SLC6A16: variants seen among roughly 807,000 people sequenced by gnomAD.
SLC6A16 encodes orphan sodium- and chloride-dependent neurotransmitter transporter NTT5.
A neutral mutation model predicts 65.4 loss-of-function variants in SLC6A16; 54 were observed. That is an observed-to-expected ratio of 0.83 (90% CI 0.66 to 1.04). The LOEUF (loss-of-function observed/expected upper bound fraction) is 1.04, where lower values mean the gene tolerates loss of function less well. Ranked by LOEUF, SLC6A16 falls within the 50% of genes least tolerant of loss-of-function variation. The pLI, the probability that SLC6A16 is intolerant of heterozygous loss-of-function variation, is 0.00. For synonymous variants in SLC6A16, 330 were observed against 346.5 expected (o/e 0.95, Z 0.53); for missense variants, 816 against 914.0 (o/e 0.89, Z 1.38).
chr19:49,329,902 G>A (rs149667813), upstream of SLC6A16, among the ~76,000 whole-genome samples: 69 of 152,136 alleles, frequency 4.5e-4, no homozygotes, highest in Middle Eastern at 3.4e-3. Context: ...CAAAGTGCTG[G>A]GATTACAGGC....
At chr19:49,293,588 A>T (rs1970122887) in intron 9 of SLC6A16, among the ~76,000 whole-genome samples, 1 of 152,134 alleles carries the variant, frequency 6.6e-6, no homozygotes, top group African/African-American at 2.4e-5. Context: ...ACATGGTGAA[A>T]GCCCGTCTCT....
the SLC6A16 span, among the ~76,000 whole-genome samples, chr19:49,330,885 T>G: frequency 6.7e-6 from 1 of 150,032 alleles, no homozygotes; most frequent in Non-Finnish European, 1.5e-5. Context: ...GAGGTTGCAG[T>G]GAGCCGAGGT....
the SLC6A16 span, chr19:49,338,162 C>T: frequency 2.7e-6 from 4 of 1,456,694 alleles, no homozygotes; most frequent in Non-Finnish European, 3.6e-6. The surrounding 1 kb of genome is among the most constrained non-coding windows in gnomAD (Gnocchi z 5.0). Context: ...CCAGGCCCGA[C>T]GCTCCCCACT....
the SLC6A16 span, chr19:49,339,498 G>A: frequency 4.1e-4 from 628 of 1,540,982 alleles, 3 homozygotes; most frequent in African/African-American, 7.4e-3. This position sits in a 1 kb window ranked among gnomAD's most constrained non-coding sequence, Gnocchi z 4.5. Flanking sequence ...GGTTGCCTGG[G>A]AAGGACGAGC....
rs1970121193 is a variant in SLC6A16 at position 49,293,527 on chromosome 19, A to G, written c.1619-145T>C. The G allele has an allele frequency of 5.3e-6, 4 of 755,052 alleles. No individual in the cohort carries two copies. In the South Asian group the frequency reaches 7.4e-5, roughly 14 times the overall value. The allele number at this position is 755,052 out of a possible 1,614,324, so 46.8% of individuals were successfully genotyped here. A position where few individuals can be genotyped will look rare whatever the true frequency, so the allele number is the denominator to read the frequency against. The stretch of plus-strand genomic sequence containing the variant: ...CATGTGTAATCCAAGCATTTTGGGG[A>G]GCCTAAGTGGGCAGATTCCTTAAGC... On this transcript the variant is annotated intron_variant, in intron 9 of 11. Transcript: ENST00000335875.
In SLC6A16 at chr19:49,313,072, C is replaced by CAAAAAAAAAAAAAAAA. The variant is rs5828385; in HGVS notation, c.-64-1677_-64-1662dup. Among the ~76,000 whole-genome samples the CAAAAAAAAAAAAAAAA allele has an allele frequency of 3.2e-4, 31 of 95,774 alleles. 2 individuals are homozygous for CAAAAAAAAAAAAAAAA. Among genetic ancestry groups the CAAAAAAAAAAAAAAAA allele is most frequent in the Middle Eastern group, 5.6e-3 (1 of 180 alleles). 62.8% of individuals were successfully genotyped at this position (95,774 alleles called of 152,430 possible). A position where few individuals can be genotyped will look rare whatever the true frequency, so the allele number is the denominator to read the frequency against. On this transcript the variant is annotated intron_variant, in intron 1 of 11. Coordinates refer to ENST00000335875, the MANE Select transcript of SLC6A16 (RefSeq NM_014037.3). The stretch of plus-strand genomic sequence containing the variant: ...CACTCCAGCCTGGGCAACCCTGTCT[C>CAAAAAAAAAAAAAAAA]AAAAAAAAAAAAAAAAAAAAAAAGA...
chr19:49,335,639 GCCCAGCCCCTGCCGCTAA>G, the SLC6A16 span: 237 of 1,611,108 alleles, frequency 1.5e-4, no homozygotes, highest in African/African-American at 3.0e-3. The surrounding 1 kb of genome is among the most constrained non-coding windows in gnomAD (Gnocchi z 4.6). Flanking sequence ...CCCAGCCGGG[GCCCAGCCCCTGCCGCTAA>G]CCCAGCCCTC....
the SLC6A16 span, chr19:49,338,558 C>A: frequency 1.5e-6 from 1 of 674,078 alleles, no homozygotes; most frequent in Non-Finnish European, 2.7e-6. The surrounding 1 kb of genome is among the most constrained non-coding windows in gnomAD (Gnocchi z 5.0). Context: ...CCCATCGTGA[C>A]CCCAGCCCAC....
At chr19:49,310,624 A>C in intron 2 of SLC6A16, 114 bp from the exon 3 acceptor site, 2 of 1,136,222 alleles carry the variant, frequency 1.8e-6, no homozygotes, top group Non-Finnish European at 2.6e-6. Flanking sequence ...GGCCACAGGC[A>C]TCAGGGCTCA....
At chr19:49,338,587 C>A in the SLC6A16 span, 1 of 767,570 alleles carries the variant, frequency 1.3e-6, no homozygotes, top group East Asian at 2.5e-5. This position sits in a 1 kb window ranked among gnomAD's most constrained non-coding sequence, Gnocchi z 5.0. Flanking sequence ...ACTCCACACC[C>A]ACCACTTAGT....
chr19:49,311,438 T>A (rs1196335582), intron 1 of SLC6A16, 27 bp from the exon 2 acceptor site: 12 of 1,413,234 alleles, frequency 8.5e-6, no homozygotes, highest in Non-Finnish European at 1.1e-5. Context: ...TCTGTAGATT[T>A]TAGATTTTAG....
At chr19:49,318,014 A>T (rs996640937) in intron 1 of SLC6A16, among the ~76,000 whole-genome samples, 1 of 152,178 alleles carries the variant, frequency 6.6e-6, no homozygotes, top group African/African-American at 2.4e-5. Context: ...GGCAAAAGTC[A>T]GTTCAGGAAG....
At chr19:49,337,017 G>A in the SLC6A16 span, 52 of 1,613,122 alleles carry the variant, frequency 3.2e-5, no homozygotes, top group Middle Eastern at 3.3e-4. Flanking sequence ...AAGGAGCTCC[G>A]CTGCCTCCTG....
At chr19:49,295,466 G>C (rs1449648938) in intron 7 of SLC6A16, among the ~76,000 whole-genome samples, 1 of 152,104 alleles carries the variant, frequency 6.6e-6, no homozygotes, top group Non-Finnish European at 1.5e-5. Context: ...AGGCAAGCAA[G>C]TAGAGTTTGA....
At chr19:49,335,878 C>T in the SLC6A16 span, 2 of 1,039,500 alleles carry the variant, frequency 1.9e-6, no homozygotes, top group Non-Finnish European at 3.0e-6. The surrounding 1 kb of genome is among the most constrained non-coding windows in gnomAD (Gnocchi z 4.6). Context: ...CGGTGCCCTA[C>T]TCTGCAGGCA....
chr19:49,338,993 G>T, the SLC6A16 span: 7,556 of 1,354,112 alleles, frequency 5.6e-3, 348 homozygotes, highest in African/African-American at 0.094. The surrounding 1 kb of genome is among the most constrained non-coding windows in gnomAD (Gnocchi z 5.0). Flanking sequence ...GCGGGAGGGG[G>T]AGGGCTGTCA....
At chr19:49,338,640 C>G in the SLC6A16 span, 4 of 1,293,456 alleles carry the variant, frequency 3.1e-6, no homozygotes, top group Admixed American at 1.7e-5. This position sits in a 1 kb window ranked among gnomAD's most constrained non-coding sequence, Gnocchi z 5.0. Context: ...ACCTTGTCCC[C>G]TGATCCCCAA....
the SLC6A16 span, chr19:49,335,216 C>A: frequency 2.8e-6 from 1 of 359,212 alleles, no homozygotes; most frequent in Non-Finnish European, 5.1e-6. This position sits in a 1 kb window ranked among gnomAD's most constrained non-coding sequence, Gnocchi z 4.6. Flanking sequence ...CTTTAGATCC[C>A]CCAGCGCCTG....
intron 6 of SLC6A16, 72 bp from the exon 7 acceptor site, chr19:49,309,189 C>T: frequency 6.3e-7 from 1 of 1,598,640 alleles, no homozygotes; most frequent in East Asian, 2.2e-5. Context: ...AGAAATGTTG[C>T]AGGGAGGAGA....
Sources: allele counts gnomAD v4.1 joint callset (sites outside exome capture counted in the v4.1 genomes callset), GRCh38; gene constraint gnomAD v4.1.1; non-coding constraint Gnocchi (gnomAD v3.1); transcripts MANE v1.5; gene names NCBI Gene and HGNC (gene_info 2026-07-23, HGNC 2026-07-21).